The following GGA1 variants were observed in gnomAD, a reference collection of about 807,000 sequenced individuals.
GGA1 encodes the protein ADP-ribosylation factor-binding protein GGA1.
Under a neutral mutation model 76.9 loss-of-function variants are expected in GGA1, and 18 were observed. That is an observed-to-expected ratio of 0.23 (90% CI 0.16 to 0.35). The LOEUF (loss-of-function observed/expected upper bound fraction) is 0.35, where lower values mean the gene tolerates loss of function less well. Among genes scored for constraint, GGA1 ranks in the 10% least tolerant of loss-of-function variants. GGA1 has a pLI of 1.00. For synonymous variants in GGA1, 342 were observed against 354.7 expected (o/e 0.96, Z 0.40); for missense variants, 755 against 859.0 (o/e 0.88, Z 1.51).
Position 37,620,331 on chromosome 22 carries a change from G to A in GGA1, c.397G>A (p.Ala133Thr), listed in dbSNP as rs751105266. Reference sequence around the variant, plus strand: ...GGGCCTGCCCGAGGAGGTGAAAATCGCAGAGGCCTACCAGATGCTAAAGAA... The same window carrying A: ...GGGCCTGCCCGAGGAGGTGAAAATCACAGAGGCCTACCAGATGCTAAAGAA... ...TVGLPEEVKI[A>T]EAYQMLKKQG... Residue 133 changes from alanine to threonine, a missense_variant, in exon 5 of 17, where the codon GCA (alanine) becomes ACA (threonine). Physicochemically the swap from Ala to Thr is moderately conservative, Grantham distance 58. Transcript: ENST00000343632. 6.2e-5 allele frequency: 100 copies of A among 1,613,902 alleles called. No individual in the cohort carries two copies. In the Middle Eastern group the frequency reaches 9.9e-4, roughly 16 times the overall value.
chr22:37,613,963 C>T (rs1037601406), intron 1 of GGA1: 1 of 522,074 alleles, frequency 1.9e-6, no homozygotes, highest in African/African-American at 1.9e-5. Flanking sequence ...AGGGCCCTGA[C>T]CATAGTCTCT....
Position 37,632,113 on chromosome 22 carries a change from G to C in GGA1, c.1646G>C (p.Ser549Thr). 1 of 1,613,766 alleles carries C rather than the reference G, an allele frequency of 6.2e-7. No homozygotes were observed. The highest frequency in any genetic ancestry group is 1.3e-5 in the African/African-American group (1 of 75,058). ...CTGGTGGTGGTGGTTTCCATGCTGAGCACCGCCCCCCAGCCCATCCGCAAC... is the reference window on the plus strand; with the variant it reads ...CTGGTGGTGGTGGTTTCCATGCTGACCACCGCCCCCCAGCCCATCCGCAAC... ...DVLVVVVSMLSTAPQPIRNIV... is the reference protein window; with the variant it reads ...DVLVVVVSMLTTAPQPIRNIV... The change falls in exon 15 of 17, where the codon AGC becomes ACC. Residue 549 changes from serine (S) to threonine (T), a missense_variant. Ser to Thr is a moderately conservative substitution (Grantham distance 58). Coordinates refer to ENST00000343632, the MANE Select transcript of GGA1 (RefSeq NM_013365.5). This position sits in a 1 kb window ranked among gnomAD's most constrained non-coding sequence, Gnocchi z 5.1.
chr22:37,615,481 TA>T (rs1928599189), intron 2 of GGA1, among the ~76,000 whole-genome samples: 1 of 149,486 alleles, frequency 6.7e-6, no homozygotes, highest in Non-Finnish European at 1.5e-5. Flanking sequence ...TAATAAAAAA[TA>T]AGGCCGGGTG....
Position 37,624,724 on chromosome 22 carries a change from C to T in GGA1, c.833-245C>T, listed in dbSNP as rs1455053852. 3 of 451,674 alleles carry T rather than the reference C, an allele frequency of 6.6e-6. No individual in the cohort carries two copies. The highest frequency in any genetic ancestry group is 8.3e-5 in the East Asian group (2 of 23,966). The allele number at this position is 451,674 out of a possible 1,614,324, so 28.0% of individuals were successfully genotyped here. A position where few individuals can be genotyped will look rare whatever the true frequency, so the allele number is the denominator to read the frequency against. On this transcript the variant is annotated intron_variant, in intron 9 of 16. Coordinates refer to ENST00000343632, the MANE Select transcript of GGA1 (RefSeq NM_013365.5). The surrounding 1 kb of genome is among the most constrained non-coding windows in gnomAD (Gnocchi z 4.3). ...CAGAGCTGGAGTGGAGGCCTGGAGG[C>T]GGGAGCGGGCCCAGTGTGTTGAGAC...
chr22:37,620,395 C>T (rs373067526), intron 5 of GGA1, 34 bp downstream of exon 5: 217 of 1,610,888 alleles, frequency 1.3e-4, no homozygotes, highest in Admixed American at 2.0e-4. Flanking sequence ...GCGACCAGGG[C>T]CTGCCTTCCC....
chr22:37,618,468 G>A lies in GGA1; in HGVS notation c.225G>A (p.Lys75=), dbSNP rs1427143960. The change falls in exon 4 of 17, where the codon AAG becomes AAA. Residue 75 remains lysine (K), a synonymous_variant. Coordinates refer to ENST00000343632, the MANE Select transcript of GGA1 (RefSeq NM_013365.5). ...CACAGGTGCTGGAAACATGCATGAA[G>A]AGCTGCGGCAAGCGGTTCCACGACG... ...QALTVLETCM[K]SCGKRFHDEV... 1 of 1,611,392 alleles carries A rather than the reference G, an allele frequency of 6.2e-7. No homozygotes were observed. The highest frequency in any genetic ancestry group is 1.1e-5 in the South Asian group (1 of 91,004).
At position 37,614,082 on chromosome 22, in the gene GGA1, C is replaced by A. The variant is rs1203187607; in HGVS notation, c.44-108C>A. 9.0e-6 allele frequency: 7 copies of A among 777,874 alleles called. No individual in the cohort carries two copies. In the Admixed American group the frequency reaches 1.3e-4, roughly 14 times the overall value. The allele number at this position is 777,874 out of a possible 1,614,324, so 48.2% of individuals were successfully genotyped here. ...GGCAGGGGGAGAGCTTTCCCACGTGCTCAGTCACACTCCTCTCCCACTCCT... is the reference window on the plus strand; with the variant it reads ...GGCAGGGGGAGAGCTTTCCCACGTGATCAGTCACACTCCTCTCCCACTCCT... On this transcript the variant is annotated intron_variant, in intron 1 of 16. Transcript: ENST00000343632.
chr22:37,617,538 ATACT>A, intron 3 of GGA1: 1 of 989,084 alleles, frequency 1.0e-6, no homozygotes, highest in African/African-American at 1.7e-5. Flanking sequence ...TTCTCTTTTA[ATACT>A]TACGTGTTTA....
intron 3 of GGA1, chr22:37,617,886 C>A: frequency 3.1e-6 from 1 of 319,002 alleles, no homozygotes; most frequent in Non-Finnish European, 4.5e-6. Flanking sequence ...CTTTGGCAGG[C>A]TGAGGCGGGC....
In GGA1 at chr22:37,618,557, C is replaced by G; in HGVS notation, c.303+11C>G. On this transcript the variant is annotated intron_variant, in intron 4 of 16. Coordinates refer to ENST00000343632, the MANE Select transcript of GGA1 (RefSeq NM_013365.5). ...GTCGTGTCTCCCAAGGTTGGTGCCC[C>G]CAGCCCAAGCTCAGACCTGCCCTGT... The G allele has an allele frequency of 5.2e-6, 8 of 1,546,694 alleles. No homozygotes were observed. Among genetic ancestry groups the G allele is most frequent in the African/African-American group, 1.4e-5 (1 of 73,720 alleles).
At chr22:37,627,469 G>A (rs1034376887) in intron 11 of GGA1, among the ~76,000 whole-genome samples, 1 of 152,150 alleles carries the variant, frequency 6.6e-6, no homozygotes. Context: ...AGCCAAGGGT[G>A]ACCGCAGGGA....
At chr22:37,630,301 C>T (rs961065751) in intron 13 of GGA1, 131 bp downstream of exon 13, 4 of 644,072 alleles carry the variant, frequency 6.2e-6, no homozygotes, top group Middle Eastern at 4.1e-4. Flanking sequence ...GCAGCAGATG[C>T]CAAGCAGTGC....
At chr22:37,611,438 A>G (rs939968352) in intron 1 of GGA1, among the ~76,000 whole-genome samples, 3 of 152,162 alleles carry the variant, frequency 2.0e-5, no homozygotes, top group African/African-American at 7.2e-5. Context: ...ACATTTTGCA[A>G]CAGTCTGCAG....
chr22:37,615,045 GT>G (rs1423689384), intron 2 of GGA1, among the ~76,000 whole-genome samples: 2 of 152,170 alleles, frequency 1.3e-5, no homozygotes, highest in Non-Finnish European at 2.9e-5. Flanking sequence ...AGGCATGGTG[GT>G]GCACACCTGT....
chr22:37,631,929 G>C (rs973944796), intron 14 of GGA1, 67 bp from the exon 15 acceptor site: 2 of 1,421,598 alleles, frequency 1.4e-6, no homozygotes, highest in African/African-American at 2.8e-5. Flanking sequence ...CAGCCGGGTG[G>C]GGGCTGGGGG....
Position 37,609,161 on chromosome 22 carries a change from T to C in GGA1, c.43+258T>C, listed in dbSNP as rs1926969012. On this transcript the variant is annotated intron_variant, in intron 1 of 16. Transcript: ENST00000343632. Reference sequence around the variant, plus strand: ...ATGACCCCTGGGACGGCGAGTGAGCTGCGCCGGGAACCCCCGGGACGGAGA... The same window carrying C: ...ATGACCCCTGGGACGGCGAGTGAGCCGCGCCGGGAACCCCCGGGACGGAGA... 8.3e-6 allele frequency: 12 copies of C among 1,438,560 alleles called. 1 individual carries two copies. The highest frequency in any genetic ancestry group is 1.1e-5 in the Non-Finnish European group (12 of 1,085,888). 89.1% of individuals were successfully genotyped at this position (1,438,560 alleles called of 1,614,324 possible).
intron 1 of GGA1, chr22:37,613,131 A>G (rs1601501572): frequency 2.0e-6 from 2 of 985,318 alleles, no homozygotes; most frequent in East Asian, 1.1e-4. Context: ...GTAGAGGATT[A>G]GAGAAGGGGA....
chr22:37,620,463 C>A, intron 5 of GGA1, 102 bp downstream of exon 5: 1 of 1,262,818 alleles, frequency 7.9e-7, no homozygotes, highest in Non-Finnish European at 1.1e-6. Context: ...CCAGCAAGGT[C>A]ATGGGTCTGT....
chr22:37,631,272 G>T (rs1931760093), intron 14 of GGA1, among the ~76,000 whole-genome samples, 173 bp downstream of exon 14: 1 of 152,170 alleles, frequency 6.6e-6, no homozygotes, highest in Non-Finnish European at 1.5e-5. Flanking sequence ...TTCCTTATCT[G>T]CCCCAGAGCA....
Sources: gnomAD v4.1 joint callset for allele counts (sites outside exome capture counted in the v4.1 genomes callset) on GRCh38, gnomAD v4.1.1 for gene constraint, Gnocchi (gnomAD v3.1) non-coding constraint, MANE v1.5 for transcripts, NCBI Gene and HGNC (gene_info 2026-07-23, HGNC 2026-07-21) for gene names.